SAP130: variants seen among roughly 807,000 people sequenced by gnomAD.
SAP130 encodes histone deacetylase complex subunit SAP130.
A neutral mutation model predicts 103.2 loss-of-function variants in SAP130; 16 were observed. The observed-to-expected ratio is 0.16, with a 90% CI of 0.10 to 0.24. The LOEUF is 0.24. Ranked by LOEUF, SAP130 falls within the 10% of genes least tolerant of loss-of-function variation. The pLI is 1.00. For missense variants in SAP130, 990 were observed against 1,359.7 expected, an observed-to-expected ratio of 0.73 and a Z score of 4.28; for synonymous variants, 477 against 497.0, an observed-to-expected ratio of 0.96 and a Z score of 0.53.
At chr2:128,017,502 C>T (rs1684858795) in intron 3 of SAP130, among the ~76,000 whole-genome samples, 178 bp downstream of exon 3, 1 of 152,124 alleles carries the variant, frequency 6.6e-6, no homozygotes, top group Non-Finnish European at 1.5e-5. Flanking sequence ...CCCAGCAGCA[C>T]AAGACAAGGC....
At chr2:127,998,259 C>T (rs4662765) in intron 10 of SAP130, among the ~76,000 whole-genome samples, 126,690 of 152,240 alleles carry the variant, frequency 0.83, 53,351 homozygotes, top group East Asian at 0.99. Context: ...TTTTGCTTTC[C>T]ATAATTCTGA....
At chr2:128,005,621 C>A (rs1227254412) in intron 7 of SAP130, among the ~76,000 whole-genome samples, 14 of 151,266 alleles carry the variant, frequency 9.3e-5, no homozygotes, top group South Asian at 2.1e-4. Flanking sequence ...GAAAAAAAAA[C>A]AAACAAACTG....
chr2:127,959,381 C>T (rs571422726), intron 15 of SAP130, among the ~76,000 whole-genome samples: 22 of 152,284 alleles, frequency 1.4e-4, no homozygotes, highest in Admixed American at 3.9e-4. Flanking sequence ...TCCAGTGAAA[C>T]GTCACAGAAA....
intron 7 of SAP130, among the ~76,000 whole-genome samples, chr2:128,009,658 C>T (rs1684239900): frequency 6.6e-6 from 1 of 152,134 alleles, no homozygotes. Context: ...CTGCTAAAAA[C>T]TCCACTAAGG....
intron 15 of SAP130, among the ~76,000 whole-genome samples, chr2:127,970,885 CATGAT>C (rs1681036511): frequency 6.6e-6 from 1 of 152,092 alleles, no homozygotes; most frequent in African/African-American, 2.4e-5. Context: ...ACTGACATGA[CATGAT>C]ATGACGCATG....
Position 127,956,023 on chromosome 2 carries a change from T to C in SAP130, c.2064-679A>G, listed in dbSNP as rs568327527. ...AATATATATGTTGTCTTTGGAGTTG[T>C]TATTTTTCTGTTTTTTTTTCTTTTC... On this transcript the variant is annotated intron_variant, in intron 15 of 20. Transcript: ENST00000643581. Among the ~76,000 whole-genome samples the C allele has an allele frequency of 1.2e-4, 19 of 152,328 alleles. No individual in the cohort carries two copies. In the South Asian group the frequency reaches 1.9e-3, roughly 15 times the overall value.
At chr2:127,999,923 TCTC>T (rs1683433557) in intron 9 of SAP130, 78 bp from the exon 10 acceptor site, 1 of 1,432,412 alleles carries the variant, frequency 7.0e-7, no homozygotes, top group East Asian at 2.3e-5. Context: ...ACCTGGGAAA[TCTC>T]CTGGAAAAAG....
At chr2:127,960,931 T>C (rs1179084597) in intron 15 of SAP130, among the ~76,000 whole-genome samples, 1 of 152,154 alleles carries the variant, frequency 6.6e-6, no homozygotes, top group African/African-American at 2.4e-5. Flanking sequence ...ATTTCTTGTA[T>C]GACCTTATAA....
rs1678726314 is a variant in SAP130, at chr2:127,941,753, T to C, written c.*253A>G. ...ATTGCTTCCAACTGGTGGACACTGATGCATCCGGAGTCACTTATGACACAG... is the reference window on the plus strand; with the variant it reads ...ATTGCTTCCAACTGGTGGACACTGACGCATCCGGAGTCACTTATGACACAG... On this transcript the variant is annotated 3_prime_UTR_variant, in exon 21 of 21. Transcript: ENST00000643581. 8.5e-6 allele frequency: 4 copies of C among 470,672 alleles called. No individual in the cohort carries two copies. The highest frequency in any genetic ancestry group is 4.3e-5 in the East Asian group (1 of 23,294). The allele number at this position is 470,672 out of a possible 1,614,324, so 29.2% of individuals were successfully genotyped here.
At chr2:127,994,511 G>C (rs755627487) in intron 11 of SAP130, among the ~76,000 whole-genome samples, 7 of 152,224 alleles carry the variant, frequency 4.6e-5, no homozygotes, top group Non-Finnish European at 7.3e-5. Flanking sequence ...AGAATCACTT[G>C]AACCTGGGAG....
intron 18 of SAP130, among the ~76,000 whole-genome samples, chr2:127,947,396 A>C (rs1679160430): frequency 6.6e-6 from 1 of 152,170 alleles, no homozygotes; most frequent in Non-Finnish European, 1.5e-5. Flanking sequence ...AAAAAATTCT[A>C]CTTGGTCAAG....
At position 127,942,966 on chromosome 2, in the gene SAP130, C is replaced by A. The variant is rs1370535547; in HGVS notation, c.2902-429G>T. 6.6e-6 allele frequency among the ~76,000 whole-genome samples: 1 copy of A among 151,882 alleles called. No individual in the cohort carries two copies. The highest frequency in any genetic ancestry group is 1.9e-4 in the East Asian group (1 of 5,188). ...TCCCGCCATTGCACTCCAGCCTGGG[C>A]AACAAGAGCGAAATTCCATCTAAAA... On this transcript the variant is annotated intron_variant, in intron 19 of 20. Transcript: ENST00000643581. The surrounding 1 kb of genome is among the most constrained non-coding windows in gnomAD (Gnocchi z 4.8).
chr2:127,966,618 G>A (rs1292142284), intron 15 of SAP130, among the ~76,000 whole-genome samples: 3 of 152,180 alleles, frequency 2.0e-5, no homozygotes, highest in South Asian at 2.1e-4. Flanking sequence ...CAGGAGAATC[G>A]CTTGAACCCA....
chr2:127,945,266 G>C (rs559154338), intron 19 of SAP130, among the ~76,000 whole-genome samples, 190 bp downstream of exon 19: 7 of 152,194 alleles, frequency 4.6e-5, no homozygotes, highest in Admixed American at 6.5e-5. Flanking sequence ...CCAGAACTTA[G>C]ATATATTTCA....
At position 127,983,823 on chromosome 2, in the gene SAP130, G is replaced by GTTT. The variant is rs879920789; in HGVS notation, c.1958+2959_1958+2961dup. On this transcript the variant is annotated intron_variant, in intron 14 of 20. Coordinates refer to ENST00000643581, the MANE Select transcript of SAP130 (RefSeq NM_001330301.2). Reference sequence around the variant, plus strand: ...TTTGGTAATTTTCTATTACTTTGTTGTTTTTTTTTTTTTTTTTTTTTTTAA... The same window carrying GTTT: ...TTTGGTAATTTTCTATTACTTTGTTGTTTTTTTTTTTTTTTTTTTTTTTTTTAA... 1.1e-3 allele frequency among the ~76,000 whole-genome samples: 90 copies of GTTT among 79,270 alleles called. 1 individual carries two copies. Among genetic ancestry groups the GTTT allele is most frequent in the South Asian group, 2.7e-3 (5 of 1,864 alleles). The allele number at this position is 79,270 out of a possible 152,430, so 52.0% of individuals were successfully genotyped here.
intron 6 of SAP130, among the ~76,000 whole-genome samples, chr2:128,012,675 CCTAA>C (rs1242674614): frequency 6.6e-6 from 1 of 151,824 alleles, no homozygotes; most frequent in Non-Finnish European, 1.5e-5. Flanking sequence ...TAGATATACA[CCTAA>C]CTTTTAGGAG....
intron 7 of SAP130, among the ~76,000 whole-genome samples, chr2:128,006,916 A>C (rs1410820295): frequency 6.6e-6 from 1 of 152,184 alleles, no homozygotes; most frequent in Non-Finnish European, 1.5e-5. Flanking sequence ...AGACATTAGG[A>C]ATTTATTGTA....
At chr2:128,006,726 G>A (rs999386048) in intron 7 of SAP130, among the ~76,000 whole-genome samples, 1 of 152,250 alleles carries the variant, frequency 6.6e-6, no homozygotes, top group Non-Finnish European at 1.5e-5. Flanking sequence ...GCTGCAGTGA[G>A]CCGTGATCAA....
chr2:127,941,693 G>C lies in SAP130; in HGVS notation c.*313C>G. 2.8e-6 allele frequency: 1 copy of C among 353,396 alleles called. No individual in the cohort carries two copies. Among genetic ancestry groups the C allele is most frequent in the East Asian group, 7.7e-5 (1 of 12,910 alleles). 21.9% of individuals were successfully genotyped at this position (353,396 alleles called of 1,614,324 possible). A position where few individuals can be genotyped will look rare whatever the true frequency, so the allele number is the denominator to read the frequency against. ...ACTAGATAAATACAGTCTATAAACC[G>C]GAAGGCTGAAAAACACCAGCCAGCC... On this transcript the variant is annotated 3_prime_UTR_variant, in exon 21 of 21. Coordinates refer to ENST00000643581, the MANE Select transcript of SAP130 (RefSeq NM_001330301.2).
Sources: gnomAD v4.1 joint callset for allele counts (sites outside exome capture counted in the v4.1 genomes callset) on GRCh38, gnomAD v4.1.1 for gene constraint, Gnocchi (gnomAD v3.1) non-coding constraint, MANE v1.5 for transcripts, NCBI Gene and HGNC (gene_info 2026-07-23, HGNC 2026-07-21) for gene names.